PLCG2: variants seen among roughly 807,000 people sequenced by gnomAD.
The protein encoded by PLCG2 is 1-phosphatidylinositol 4,5-bisphosphate phosphodiesterase gamma-2.
In PLCG2, 69 loss-of-function variants were observed where a neutral mutation model predicts 175.6. That is an observed-to-expected ratio of 0.39 (90% CI 0.32 to 0.48). PLCG2 has a LOEUF of 0.48. Among genes scored for constraint, PLCG2 ranks in the 20% least tolerant of loss-of-function variants. The pLI is 0.91. For synonymous variants in PLCG2, 827 were observed against 624.0 expected, an observed-to-expected ratio of 1.33 and a Z score of -4.85; for missense variants, 1,798 against 1,650.9, an observed-to-expected ratio of 1.09 and a Z score of -1.54.
chr16:81,756,541 C>G (rs1350592419), intron 2 of PLCG2, among the ~76,000 whole-genome samples: 1 of 152,170 alleles, frequency 6.6e-6, no homozygotes, highest in African/African-American at 2.4e-5. Flanking sequence ...GAAACCAGAG[C>G]TTATGAAGGT....
chr16:81,802,258 G>A (rs1165757151), intron 2 of PLCG2, among the ~76,000 whole-genome samples: 7 of 150,500 alleles, frequency 4.7e-5, no homozygotes, highest in Admixed American at 6.6e-5. Flanking sequence ...GATTACAGGC[G>A]CCCGCCACCG....
At chr16:81,788,836 C>G (rs1321771477) in intron 2 of PLCG2, among the ~76,000 whole-genome samples, 2 of 152,222 alleles carry the variant, frequency 1.3e-5, no homozygotes, top group African/African-American at 2.4e-5. Flanking sequence ...TTTGCATTGG[C>G]CGGCTCCACC....
chr16:81,882,294 A>T (rs1908122427), intron 8 of PLCG2, among the ~76,000 whole-genome samples: 2 of 151,886 alleles, frequency 1.3e-5, no homozygotes, highest in Non-Finnish European at 2.9e-5. Flanking sequence ...CTTTATTCGG[A>T]GTGTAGTGTT....
At chr16:81,936,098 A>G (rs1218340092) in intron 26 of PLCG2, 71 bp from the exon 27 acceptor site, 25 of 1,579,830 alleles carry the variant, frequency 1.6e-5, no homozygotes, top group African/African-American at 8.1e-5. Flanking sequence ...GCATCCAGCC[A>G]TTGCAGCAAA....
intron 19 of PLCG2, among the ~76,000 whole-genome samples, chr16:81,916,965 A>G (rs1909870372): frequency 6.6e-6 from 1 of 152,108 alleles, no homozygotes; most frequent in African/African-American, 2.4e-5. Context: ...TATAGTCCCT[A>G]TGCTGTACCA....
At chr16:81,878,314 T>G (rs532028688) in intron 7 of PLCG2, among the ~76,000 whole-genome samples, 1 of 152,256 alleles carries the variant, frequency 6.6e-6, no homozygotes, top group Admixed American at 6.5e-5. Context: ...AGCCAGGCAC[T>G]GGATTCGGGT....
At chr16:81,862,986 T>C (rs1161481546) in intron 5 of PLCG2, among the ~76,000 whole-genome samples, 2 of 152,238 alleles carry the variant, frequency 1.3e-5, no homozygotes, top group Non-Finnish European at 2.9e-5. Flanking sequence ...CCAATCACCT[T>C]ATGATTAAAA....
At chr16:81,887,117 T>G (rs34128992) in intron 9 of PLCG2, among the ~76,000 whole-genome samples, 8,691 of 151,332 alleles carry the variant, frequency 0.057, 308 homozygotes, top group Middle Eastern at 0.092. Context: ...CAGGCAAAGT[T>G]GTTTTTTTTT....
intron 30 of PLCG2, 139 bp downstream of exon 30, chr16:81,940,198 G>A: frequency 2.8e-6 from 2 of 703,910 alleles, no homozygotes; most frequent in Non-Finnish European, 4.7e-6. Flanking sequence ...GGCTTGGAGA[G>A]CAGGTGTACA....
At chr16:81,824,870 G>T (rs1224479260) in intron 2 of PLCG2, among the ~76,000 whole-genome samples, 2 of 152,238 alleles carry the variant, frequency 1.3e-5, no homozygotes, top group Non-Finnish European at 2.9e-5. Context: ...GAAAGATCTT[G>T]AGATGGGGAG....
rs540522878 is a variant in PLCG2 at position 81,927,185 on chromosome 16, C to G, written c.2514+7C>G. On this transcript the variant is annotated splice_region_variant and intron_variant, in intron 23 of 32. Transcript: ENST00000564138. ...CGAGGAGCTAGAAAAGCAGGTGAGT[C>G]CCCCTCTTCGATCCTCTTACAGGAA... 29 of 1,589,966 alleles carry G rather than the reference C, an allele frequency of 1.8e-5. No individual in the cohort carries two copies. Among genetic ancestry groups the G allele is most frequent in the African/African-American group, 4.0e-5 (3 of 74,458 alleles).
intron 2 of PLCG2, among the ~76,000 whole-genome samples, chr16:81,812,429 C>G (rs113675336): frequency 1 from 151,609 of 152,336 alleles, 75,444 homozygotes; most frequent in East Asian, 1. Context: ...TTGCATTTCT[C>G]TAATGACCAG....
At position 81,787,266 on chromosome 16, in the gene PLCG2, G is replaced by C. The variant is rs184871816; in HGVS notation, c.193+1084G>C. The stretch of plus-strand genomic sequence containing the variant: ...AGACAAGGTCTCTTTCTTTTACCCA[G>C]GCTGGAGTGCAATGGCATGATCATG... On this transcript the variant is annotated intron_variant, in intron 2 of 32. Coordinates refer to ENST00000564138, the MANE Select transcript of PLCG2 (RefSeq NM_002661.5). Among the ~76,000 whole-genome samples, 911 of 152,040 alleles carry C rather than the reference G, an allele frequency of 6.0e-3. 8 individuals carry two copies. Among genetic ancestry groups the C allele is most frequent in the South Asian group, 0.037 (178 of 4,816 alleles).
At chr16:81,878,923 G>A (rs1402348462) in intron 7 of PLCG2, among the ~76,000 whole-genome samples, 1 of 152,058 alleles carries the variant, frequency 6.6e-6, no homozygotes, top group Non-Finnish European at 1.5e-5. Flanking sequence ...ACGTTCCCAG[G>A]TGCCTGTGCC....
intron 2 of PLCG2, among the ~76,000 whole-genome samples, chr16:81,832,421 ACT>A (rs2143390103): frequency 6.6e-6 from 1 of 152,210 alleles, no homozygotes; most frequent in African/African-American, 2.4e-5. Context: ...ACACGATCTC[ACT>A]CTATCACCCA....
rs1473968887 is a variant in PLCG2, at chr16:81,961,767, AAC to A, written c.*3771_*3772del. On this transcript the variant is annotated 3_prime_UTR_variant, in exon 33 of 33. Transcript: ENST00000564138. Reference sequence around the variant, plus strand: ...CTGGGCTAAATTTAAAAAGTAATACAACAGTTTTATTTAAACATGTAGTGTCT... The same window carrying A: ...CTGGGCTAAATTTAAAAAGTAATACAAGTTTTATTTAAACATGTAGTGTCT... The A allele has an allele frequency of 4.9e-6, 1 of 204,788 alleles. No homozygotes were observed. The highest frequency in any genetic ancestry group is 1.0e-5 in the Non-Finnish European group (1 of 99,988). The allele number at this position is 204,788 out of a possible 1,614,324, so 12.7% of individuals were successfully genotyped here.
chr16:81,956,845 C>T lies in PLCG2; in HGVS notation c.3721C>T (p.Gln1241Ter), dbSNP rs1406944158. ...TAAAGAGTTCAGTGTTAATGAGAAC[C>T]AGCTCCAGCTGTACCAGGAGAAATG... ...LVKEFSVNEN[Q>*]LQLYQEKCNK... The change falls in exon 32 of 33, where the codon CAG (glutamine) becomes TAG (stop). Residue 1241 changes from glutamine (Q) to a stop codon, truncating the protein, a stop_gained. Transcript: ENST00000564138. LOFTEE classifies it high-confidence loss of function. The T allele has an allele frequency of 2.5e-6, 4 of 1,613,896 alleles. No homozygotes were observed. The highest frequency in any genetic ancestry group is 3.4e-6 in the Non-Finnish European group (4 of 1,179,914).
intron 12 of PLCG2, among the ~76,000 whole-genome samples, chr16:81,895,004 C>T (rs1387526203): frequency 6.6e-6 from 1 of 152,180 alleles, no homozygotes; most frequent in Non-Finnish European, 1.5e-5. Flanking sequence ...ACTTTCTTCC[C>T]GTTTATGATT....
In PLCG2 at chr16:81,927,310, G is replaced by C; in HGVS notation, c.2514+132G>C. ...GGTCTCTGTGGAGCTCTGGATCAGG[G>C]AAGACACAGTGATGATAGGGAAATT... On this transcript the variant is annotated intron_variant, in intron 23 of 32. Transcript: ENST00000564138. The C allele has an allele frequency of 1.5e-6, 1 of 663,164 alleles. No individual in the cohort carries two copies. The allele number at this position is 663,164 out of a possible 1,614,324, so 41.1% of individuals were successfully genotyped here. A position where few individuals can be genotyped will look rare whatever the true frequency, so the allele number is the denominator to read the frequency against.
Sources: gnomAD v4.1 joint callset for allele counts (sites outside exome capture counted in the v4.1 genomes callset) on GRCh38, gnomAD v4.1.1 for gene constraint, MANE v1.5 for transcripts, NCBI Gene and HGNC (gene_info 2026-07-23, HGNC 2026-07-21) for gene names.